Variants in CNDP2 observed in about 807,000 individuals in gnomAD.
CNDP2 encodes the protein carnosine dipeptidase 2, also known as cytosolic non-specific dipeptidase.
Under a neutral mutation model 55.0 loss-of-function variants are expected in CNDP2, and 38 were observed. That is an observed-to-expected ratio of 0.69 (90% CI 0.53 to 0.90). The LOEUF (loss-of-function observed/expected upper bound fraction) is 0.90, where lower values mean the gene tolerates loss of function less well. Ranked by LOEUF, CNDP2 falls within the 40% of genes least tolerant of loss-of-function variation. The probability of loss-of-function intolerance (pLI) is 0.00; values close to 1 mark genes in which losing one functional copy is unlikely to be tolerated. For synonymous variants in CNDP2, 241 were observed against 260.2 expected, an observed-to-expected ratio of 0.93 and a Z score of 0.71; for missense variants, 607 against 621.7, an observed-to-expected ratio of 0.98 and a Z score of 0.25.
chr18:74,508,544 G>C, intron 4 of CNDP2: 1 of 340,456 alleles, frequency 2.9e-6, no homozygotes, highest in Non-Finnish European at 5.6e-6. Context: ...CCTGGAGTTA[G>C]ACTGGAGGTC....
chr18:74,505,096 G>A lies in CNDP2; in HGVS notation c.205-753G>A, dbSNP rs937133200. On this transcript the variant is annotated intron_variant, in intron 3 of 11. Transcript: ENST00000324262. The stretch of plus-strand genomic sequence containing the variant: ...TTAGAATGGCTAAATGTGAATTTAG[G>A]TATAAAGATTTTTTTATATATATCT... 3.9e-5 allele frequency: 6 copies of A among 152,118 alleles called. No homozygotes were observed. In the East Asian group the frequency reaches 1.2e-3, roughly 29 times the overall value. The allele number at this position is 152,118 out of a possible 1,614,324, so 9.4% of individuals were successfully genotyped here. A position where few individuals can be genotyped will look rare whatever the true frequency, so the allele number is the denominator to read the frequency against.
chr18:74,518,293 C>A, intron 9 of CNDP2: 1 of 493,308 alleles, frequency 2.0e-6, no homozygotes, highest in African/African-American at 1.9e-5. Context: ...AAGAAGTCTC[C>A]TCTTTCCTTA....
chr18:74,499,803 G>T, intron 1 of CNDP2, 79 bp from the exon 2 acceptor site: 2 of 501,048 alleles, frequency 4.0e-6, no homozygotes, highest in Non-Finnish European at 7.1e-6. Context: ...TTCCTGGAGC[G>T]TCTCTGGCTG....
intron 1 of CNDP2, among the ~76,000 whole-genome samples, chr18:74,499,005 A>G (rs1047095779): frequency 6.6e-6 from 1 of 152,160 alleles, no homozygotes; most frequent in African/African-American, 2.4e-5. Flanking sequence ...CTGTTGAGAA[A>G]TCACTTTGAA....
rs1979873768 is a variant in CNDP2, at chr18:74,518,781, G to C, written c.1210+141G>C. On this transcript the variant is annotated intron_variant, in intron 10 of 11. Coordinates refer to ENST00000324262, the MANE Select transcript of CNDP2 (RefSeq NM_018235.3). ...GTGTAGTTAAGTCAGCATGAGGACA[G>C]CTAGTGTGTGGGATGAGCCTGGACC... is the stretch of plus-strand genomic sequence containing the variant. 4 of 1,423,038 alleles carry C rather than the reference G, an allele frequency of 2.8e-6. No individual in the cohort carries two copies. In the South Asian group the frequency reaches 3.8e-5, roughly 14 times the overall value. The allele number at this position is 1,423,038 out of a possible 1,614,324, so 88.2% of individuals were successfully genotyped here. A position where few individuals can be genotyped will look rare whatever the true frequency, so the allele number is the denominator to read the frequency against.
At chr18:74,519,117 C>T in intron 11 of CNDP2, 21 bp downstream of exon 11, 4 of 1,589,744 alleles carry the variant, frequency 2.5e-6, no homozygotes, top group Non-Finnish European at 3.4e-6. Context: ...AGGGTGCGGC[C>T]CAGGTTGGCG....
intron 3 of CNDP2, chr18:74,504,977 A>T (rs1481736448): frequency 6.6e-6 from 1 of 152,226 alleles, no homozygotes; most frequent in Non-Finnish European, 1.5e-5. Context: ...GTGGGCTGGG[A>T]TGCCTGTCCC....
chr18:74,513,815 C>CT, intron 8 of CNDP2, 96 bp downstream of exon 8: 1 of 1,303,008 alleles, frequency 7.7e-7, no homozygotes, highest in South Asian at 1.4e-5. Flanking sequence ...CAGGGGGTCT[C>CT]TGAGGGAAGA....
Position 74,520,091 on chromosome 18 carries a change from T to C in CNDP2, c.*23T>C, listed in dbSNP as rs1467206147. Reference sequence around the variant, plus strand: ...TAGGCCAAGCCCTCTGTGTGCCATCTCCAATGAGAAGGAATCCTGCCCTCA... The same window carrying C: ...TAGGCCAAGCCCTCTGTGTGCCATCCCCAATGAGAAGGAATCCTGCCCTCA... On this transcript the variant is annotated 3_prime_UTR_variant, in exon 12 of 12. Transcript: ENST00000324262. 2 of 1,612,962 alleles carry C rather than the reference T, an allele frequency of 1.2e-6. No individual in the cohort carries two copies. Among genetic ancestry groups the C allele is most frequent in the Admixed American group, 3.3e-5 (2 of 59,992 alleles).
rs1367615192 is a variant in CNDP2, at chr18:74,520,220, C to T, written c.*152C>T. 8.5e-6 allele frequency: 6 copies of T among 702,486 alleles called. No individual in the cohort carries two copies. Among genetic ancestry groups the T allele is most frequent in the Middle Eastern group, 2.4e-4 (1 of 4,120 alleles). 43.5% of individuals were successfully genotyped at this position (702,486 alleles called of 1,614,324 possible). On this transcript the variant is annotated 3_prime_UTR_variant, in exon 12 of 12. Coordinates refer to ENST00000324262, the MANE Select transcript of CNDP2 (RefSeq NM_018235.3). Reference sequence around the variant, plus strand: ...AGAGAACAGACACAAGTGTATCCAGCTGTCCACGGGTGGAGCTACCCGTTG... The same window carrying T: ...AGAGAACAGACACAAGTGTATCCAGTTGTCCACGGGTGGAGCTACCCGTTG...
intron 7 of CNDP2, 129 bp from the exon 8 acceptor site, chr18:74,513,430 C>T (rs1446941565): frequency 8.2e-6 from 8 of 978,948 alleles, no homozygotes; most frequent in Non-Finnish European, 1.2e-5. Context: ...GGCCCCTCCT[C>T]AGCCACGTGG....
chr18:74,516,616 C>A, intron 9 of CNDP2: 1 of 437,190 alleles, frequency 2.3e-6, no homozygotes, highest in African/African-American at 3.7e-5. Context: ...CAAAATCTGG[C>A]CTTTGACCTC....
Position 74,520,094 on chromosome 18 carries a change from A to C in CNDP2, c.*26A>C. ...GCCAAGCCCTCTGTGTGCCATCTCC[A>C]ATGAGAAGGAATCCTGCCCTCACCT... On this transcript the variant is annotated 3_prime_UTR_variant, in exon 12 of 12. Transcript: ENST00000324262. The C allele has an allele frequency of 6.2e-7, 1 of 1,610,924 alleles. No individual in the cohort carries two copies. Among genetic ancestry groups the C allele is most frequent in the Non-Finnish European group, 8.5e-7 (1 of 1,177,210 alleles).
At chr18:74,507,962 G>C (rs1372960197) in intron 4 of CNDP2, 1 of 152,282 alleles carries the variant, frequency 6.6e-6, no homozygotes, top group Non-Finnish European at 1.5e-5. Flanking sequence ...TTCAGTTTTT[G>C]TGAAAAGTTG....
At position 74,522,425 on chromosome 18, in the gene CNDP2, G is replaced by A. The variant is rs764857632; in HGVS notation, c.*2357G>A. Reference sequence around the variant, plus strand: ...GCGAGCTGCATATGGGCCCCCGTTAGTCAGGAACCCATGCTGAGAGGTGCT... The same window carrying A: ...GCGAGCTGCATATGGGCCCCCGTTAATCAGGAACCCATGCTGAGAGGTGCT... On this transcript the variant is annotated 3_prime_UTR_variant, in exon 12 of 12. Coordinates refer to ENST00000324262, the MANE Select transcript of CNDP2 (RefSeq NM_018235.3). 6.6e-6 allele frequency: 1 copy of A among 152,282 alleles called. No individual in the cohort carries two copies. Among genetic ancestry groups the A allele is most frequent in the Non-Finnish European group, 1.5e-5 (1 of 68,060 alleles). 9.4% of individuals were successfully genotyped at this position (152,282 alleles called of 1,614,324 possible).
rs370918345 is a variant in CNDP2 at position 74,505,947 on chromosome 18, T to C, written c.303T>C (p.Asp101=). Residue 101 remains aspartate, a synonymous_variant, in exon 4 of 12, where the codon GAT becomes GAC. Coordinates refer to ENST00000324262, the MANE Select transcript of CNDP2 (RefSeq NM_018235.3). ...KKTVCIYGHL[D]VQPAALEDGW... is the part of the protein sequence containing the mutation. ...CCGTGTGCATTTACGGGCACCTGGA[T>C]GTGCAGCCTGCAGCCCTGGAGGACG... 1.9e-4 allele frequency: 311 copies of C among 1,612,670 alleles called. No homozygotes were observed. The highest frequency in any genetic ancestry group is 1.4e-3 in the Admixed American group (81 of 59,522).
intron 3 of CNDP2, among the ~76,000 whole-genome samples, chr18:74,503,079 T>TTTTTTTTTTTTTTTTA: frequency 6.6e-6 from 1 of 151,612 alleles, no homozygotes. Flanking sequence ...TTTCGTTTTT[T>TTTTTTTTTTTTTTTTA]TTTTTTTCCT....
At chr18:74,509,014 A>G (rs2144592648) in intron 5 of CNDP2, 86 bp downstream of exon 5, 1 of 1,107,770 alleles carries the variant, frequency 9.0e-7, no homozygotes. Flanking sequence ...ACAACAGCTT[A>G]TAAAGCTCAC....
chr18:74,517,132 A>G (rs577070156), intron 9 of CNDP2: 1 of 152,186 alleles, frequency 6.6e-6, no homozygotes, highest in Non-Finnish European at 1.5e-5. Context: ...TTGTCCTCAC[A>G]TGGCAGAGGG....
Sources: gnomAD v4.1 joint callset for allele counts (sites outside exome capture counted in the v4.1 genomes callset) on GRCh38, gnomAD v4.1.1 for gene constraint, MANE v1.5 for transcripts, NCBI Gene and HGNC (gene_info 2026-07-23, HGNC 2026-07-21) for gene names.